DSTYK: variants seen among roughly 807,000 people sequenced by gnomAD.
The protein encoded by DSTYK is dual serine/threonine and tyrosine protein kinase, also known as RIP-homologous kinase.
A neutral mutation model predicts 98.7 loss-of-function variants in DSTYK; 34 were observed. The ratio of observed to expected loss-of-function variants is 0.34; its 90% confidence interval spans 0.26 to 0.46. The LOEUF is 0.46. Ranked by LOEUF, DSTYK falls within the 20% of genes least tolerant of loss-of-function variation. The probability of loss-of-function intolerance (pLI) is 1.00; values close to 1 mark genes in which losing one functional copy is unlikely to be tolerated. For missense variants in DSTYK, 962 were observed against 1,181.7 expected (o/e 0.81, Z 2.73); for synonymous variants, 462 against 457.3 (o/e 1.01, Z -0.13).
chr1:205,182,315 T>G (rs189848996), intron 2 of DSTYK, among the ~76,000 whole-genome samples: 3 of 151,610 alleles, frequency 2.0e-5, no homozygotes, highest in Admixed American at 6.6e-5. Flanking sequence ...GGAGAATCAC[T>G]TGAGCCAGAA....
At position 205,211,450 on chromosome 1, in the gene DSTYK, C is replaced by A; in HGVS notation, c.86G>T (p.Arg29Leu). 1 of 1,599,294 alleles carries A rather than the reference C, an allele frequency of 6.3e-7. No homozygotes were observed. The highest frequency in any genetic ancestry group is 8.5e-7 in the Non-Finnish European group (1 of 1,176,060). ...GTAGCGGCGGTAGCGGCCGAAGCCC[C>A]GGCACAGCTCGCGGATCATTCCGCC... ...GGGGMIRELC[R>L]GFGRYRRYLG... The change falls in exon 1 of 13, where the codon CGG (arginine) becomes CTG (leucine). Residue 29 changes from arginine (R) to leucine (L), a missense_variant. This residue lies in a region of DSTYK where 168 missense variants were observed against 120.0 expected (regional missense o/e 1.40). Coordinates refer to ENST00000367162, the MANE Select transcript of DSTYK (RefSeq NM_015375.3).
chr1:205,178,157 A>G (rs1658287333), intron 2 of DSTYK, among the ~76,000 whole-genome samples: 2 of 152,148 alleles, frequency 1.3e-5, no homozygotes, highest in Non-Finnish European at 2.9e-5. Context: ...AAAGCATGAG[A>G]CAATCATGCT....
intron 2 of DSTYK, among the ~76,000 whole-genome samples, chr1:205,181,121 C>A (rs1379122304): frequency 6.6e-6 from 1 of 152,094 alleles, no homozygotes; most frequent in Non-Finnish European, 1.5e-5. Context: ...TCTAGAATAT[C>A]ATTTCTTGTT....
chr1:205,196,908 A>G (rs890097303), intron 1 of DSTYK, among the ~76,000 whole-genome samples: 1 of 151,596 alleles, frequency 6.6e-6, no homozygotes, highest in Non-Finnish European at 1.5e-5. Context: ...ACAAGCATGC[A>G]CCACCATGCC....
At chr1:205,174,634 G>C (rs1393500278) in intron 2 of DSTYK, among the ~76,000 whole-genome samples, 1 of 150,308 alleles carries the variant, frequency 6.7e-6, no homozygotes, top group Non-Finnish European at 1.5e-5. Flanking sequence ...AGTGAGCTGA[G>C]ATCACACCAC....
intron 10 of DSTYK, among the ~76,000 whole-genome samples, chr1:205,155,282 C>G (rs1170285607): frequency 6.6e-6 from 1 of 151,946 alleles, no homozygotes; most frequent in Non-Finnish European, 1.5e-5. Context: ...CCATACCCAC[C>G]CCGGAAGAAA....
chr1:205,204,769 C>T (rs1659151996), intron 1 of DSTYK, among the ~76,000 whole-genome samples: 1 of 152,226 alleles, frequency 6.6e-6, no homozygotes, highest in Admixed American at 6.5e-5. Flanking sequence ...CTTCTCCCCA[C>T]ATCTCCTAGC....
chr1:205,144,472 T>C lies in DSTYK; in HGVS notation c.*3086A>G, dbSNP rs1657163359. ...GAAAACCTAGTGTCCTCCCAAGTAA[T>C]ATACAATACAGTACATTTCATGGCA... is the stretch of plus-strand genomic sequence containing the variant. On this transcript the variant is annotated 3_prime_UTR_variant, in exon 13 of 13. Coordinates refer to ENST00000367162, the MANE Select transcript of DSTYK (RefSeq NM_015375.3). The C allele has an allele frequency of 6.6e-6, 1 of 152,580 alleles. No homozygotes were observed. Among genetic ancestry groups the C allele is most frequent in the Non-Finnish European group, 1.5e-5 (1 of 68,032 alleles). 9.5% of individuals were successfully genotyped at this position (152,580 alleles called of 1,614,324 possible).
Position 205,211,412 on chromosome 1 carries a change from G to T in DSTYK, c.124C>A (p.Arg42=). The T allele has an allele frequency of 6.2e-7, 1 of 1,610,442 alleles. No individual in the cohort carries two copies. Residue 42 remains arginine (R), a synonymous_variant, in exon 1 of 13, where the codon CGA becomes AGA. Coordinates refer to ENST00000367162, the MANE Select transcript of DSTYK (RefSeq NM_015375.3). ...GRYRRYLGRL[R]QNLRETQKFF... is the part of the protein sequence containing the mutation. ...TTCTGGGTCTCGCGCAGGTTCTGTC[G>T]CAGCCGTCCCAGGTAGCGGCGGTAG...
At chr1:205,174,512 CCAAAAA>C (rs1381714531) in intron 2 of DSTYK, among the ~76,000 whole-genome samples, 1 of 39,976 alleles carries the variant, frequency 2.5e-5, no homozygotes. Flanking sequence ...GACTCCGTCT[CCAAAAA>C]AAAAAAAAAA....
chr1:205,185,827 AC>A (rs1338210846), intron 2 of DSTYK, among the ~76,000 whole-genome samples: 1 of 152,062 alleles, frequency 6.6e-6, no homozygotes, highest in Non-Finnish European at 1.5e-5. Context: ...GTTCTAGGCC[AC>A]CCTGGCAAAC....
At chr1:205,204,128 A>T (rs1659132204) in intron 1 of DSTYK, among the ~76,000 whole-genome samples, 1 of 152,198 alleles carries the variant, frequency 6.6e-6, no homozygotes, top group South Asian at 2.1e-4. Flanking sequence ...AACTAGAATA[A>T]GAGCCTGAGT....
At chr1:205,157,029 TC>T (rs1272233458) in intron 10 of DSTYK, among the ~76,000 whole-genome samples, 1 of 152,188 alleles carries the variant, frequency 6.6e-6, no homozygotes, top group Non-Finnish European at 1.5e-5. Context: ...TGTGTTTATT[TC>T]CCCTTCCACC....
intron 10 of DSTYK, among the ~76,000 whole-genome samples, chr1:205,154,056 C>CGTGTGT (rs34909035): frequency 0.012 from 1,750 of 143,526 alleles, 22 homozygotes; most frequent in East Asian, 0.072. Flanking sequence ...AGTATGCACA[C>CGTGTGT]GTGTGTGTGT....
intron 1 of DSTYK, 99 bp downstream of exon 1, chr1:205,211,172 C>G (rs890467681): frequency 6.8e-7 from 1 of 1,460,694 alleles, no homozygotes; most frequent in African/African-American, 1.5e-5. Flanking sequence ...CCCTTTCCGC[C>G]TGCCCGAGAA....
chr1:205,152,291 C>A (rs1657427627), intron 10 of DSTYK, among the ~76,000 whole-genome samples: 1 of 152,210 alleles, frequency 6.6e-6, no homozygotes, highest in Non-Finnish European at 1.5e-5. Context: ...GATTCTCCTG[C>A]CTCAGCCTCC....
In DSTYK at chr1:205,169,616, A is replaced by C; in HGVS notation, c.871T>G (p.Ser291Ala). The change falls in exon 3 of 13, where the codon TCC becomes GCC. Residue 291 changes from serine to alanine, a missense_variant. Ser to Ala is a moderately conservative substitution (Grantham distance 99, BLOSUM62 1). Around this residue, in one of 4 missense-constraint regions of DSTYK, gnomAD observed 660 missense variants for 855.0 expected, o/e 0.77. Transcript: ENST00000367162. This position sits in a 1 kb window ranked among gnomAD's most constrained non-coding sequence, Gnocchi z 4.0. ...VPKLGSEIID[S>A]STRRMESERS... ...TCGCTCTCCATTCTCCTGGTTGAGG[A>C]GTCTATTATCTCCGAGCCCAGTTTC... 3.1e-6 allele frequency: 5 copies of C among 1,614,202 alleles called. No individual in the cohort carries two copies. Among genetic ancestry groups the C allele is most frequent in the Non-Finnish European group, 4.2e-6 (5 of 1,180,048 alleles).
chr1:205,178,790 T>C (rs1215318602), intron 2 of DSTYK, among the ~76,000 whole-genome samples: 2 of 152,126 alleles, frequency 1.3e-5, no homozygotes, highest in East Asian at 1.9e-4. Context: ...GACACTGTGG[T>C]AGGTGCTTTC....
At chr1:205,189,754 C>A (rs1414861573) in intron 1 of DSTYK, among the ~76,000 whole-genome samples, 35 of 152,164 alleles carry the variant, frequency 2.3e-4, no homozygotes, top group Admixed American at 2.3e-3. Flanking sequence ...CTTTTCATGT[C>A]TGTCTATAAG....
Sources: allele counts gnomAD v4.1 joint callset (sites outside exome capture counted in the v4.1 genomes callset), GRCh38; gene constraint gnomAD v4.1.1; regional missense constraint gnomAD v4.1.1; non-coding constraint Gnocchi (gnomAD v3.1); transcripts MANE v1.5; gene names NCBI Gene and HGNC (gene_info 2026-07-23, HGNC 2026-07-21).